AXDND1: variants seen among roughly 807,000 people sequenced by gnomAD.
AXDND1 encodes axonemal dynein light chain domain containing 1.
AXDND1 carries 110 observed loss-of-function variants against 137.5 expected under a neutral mutation model. The ratio of observed to expected loss-of-function variants is 0.80; its 90% CI spans 0.69 to 0.94. The LOEUF is 0.94. Ranked by LOEUF, AXDND1 falls within the 40% of genes least tolerant of loss-of-function variation. The pLI is 0.00. For missense variants in AXDND1, 1,191 were observed against 1,169.8 expected (o/e 1.02, Z -0.26); for synonymous variants, 414 against 399.7 (o/e 1.04, Z -0.43).
rs765507213 is a variant in AXDND1 at position 179,509,298 on chromosome 1, AGAATGTTATGAATG to A, written c.2394_2407del (p.Glu798AspfsTer10). ...TGTAATCTTTTATCTCTTCTCAGAAAGAATGTTATGAATGGATCAACACATGCTCTTGCCTCCTT... is the reference window on the plus strand; with the variant it reads ...TGTAATCTTTTATCTCTTCTCAGAAAGATCAACACATGCTCTTGCCTCCTT... On this transcript the variant is annotated frameshift_variant, in exon 21 of 26. Transcript: ENST00000367618. LOFTEE classifies it high-confidence loss of function. 1 of 1,599,530 alleles carries A rather than the reference AGAATGTTATGAATG, an allele frequency of 6.3e-7. No individual in the cohort carries two copies. Among genetic ancestry groups the A allele is most frequent in the South Asian group, 1.1e-5 (1 of 89,208 alleles).
At chr1:179,541,114 G>A (rs1455256824) in intron 25 of AXDND1, among the ~76,000 whole-genome samples, 3 of 152,198 alleles carry the variant, frequency 2.0e-5, no homozygotes, top group East Asian at 1.9e-4. Flanking sequence ...GCTGGGCTCC[G>A]TGGGTGGGGG....
chr1:179,514,631 T>C (rs1669352100), intron 21 of AXDND1, among the ~76,000 whole-genome samples: 1 of 152,200 alleles, frequency 6.6e-6, no homozygotes, highest in South Asian at 2.1e-4. Flanking sequence ...TGACTTTTTG[T>C]GTTGATGTCC....
intron 17 of AXDND1, among the ~76,000 whole-genome samples, chr1:179,475,181 G>C (rs760563539): frequency 6.6e-6 from 1 of 152,240 alleles, no homozygotes; most frequent in Non-Finnish European, 1.5e-5. Context: ...ACCTCTGCTA[G>C]GGCAGTACGA....
chr1:179,422,045 G>T (rs143794806), intron 12 of AXDND1, among the ~76,000 whole-genome samples: 1 of 130,150 alleles, frequency 7.7e-6, no homozygotes, highest in Admixed American at 7.6e-5. Context: ...CATCTCAAAA[G>T]AAAAAAAAAA....
chr1:179,421,367 C>CTTTTTTTTTTTTTTTTTTTTTTTTT (rs199703017), intron 12 of AXDND1, among the ~76,000 whole-genome samples: 1 of 107,210 alleles, frequency 9.3e-6, no homozygotes, highest in African/African-American at 4.1e-5. Context: ...TTTTCTTTTC[C>CTTTTTTTTTTTTTTTTTTTTTTTTT]TTTTTTTTTT....
At chr1:179,481,690 G>A (rs1011925284) in intron 17 of AXDND1, among the ~76,000 whole-genome samples, 3 of 152,216 alleles carry the variant, frequency 2.0e-5, no homozygotes, top group African/African-American at 7.2e-5. Context: ...ACTGGTGTGA[G>A]GTGGTATCTC....
intron 16 of AXDND1, among the ~76,000 whole-genome samples, chr1:179,445,439 A>C (rs971943488): frequency 6.6e-6 from 1 of 152,132 alleles, no homozygotes; most frequent in African/African-American, 2.4e-5. Flanking sequence ...GTGTGCATCT[A>C]TTACCACAGT....
At chr1:179,429,868 G>T (rs1370972917) in intron 13 of AXDND1, among the ~76,000 whole-genome samples, 1 of 150,494 alleles carries the variant, frequency 6.6e-6, no homozygotes, top group East Asian at 1.9e-4. Flanking sequence ...TGATCCTATT[G>T]ATTCATGGTT....
At chr1:179,552,839 A>T (rs1218170839) in intron 25 of AXDND1, 6 of 685,610 alleles carry the variant, frequency 8.8e-6, no homozygotes, top group Non-Finnish European at 1.6e-5. Flanking sequence ...GGTCAAAAGT[A>T]GGCAGATCTC....
rs185421413 is a variant in AXDND1, at chr1:179,370,714, G to A, written c.374+636G>A. On this transcript the variant is annotated intron_variant, in intron 4 of 25. Transcript: ENST00000367618. ...ACTTATCAATTTACTCCATGCATGC[G>A]CCCTCACTTAAATGTCCCTTCTACT... is the stretch of plus-strand genomic sequence containing the variant. Among the ~76,000 whole-genome samples the A allele has an allele frequency of 4.2e-4, 64 of 152,218 alleles. No homozygotes were observed. In the East Asian group the frequency reaches 9.8e-3, roughly 23 times the overall value.
chr1:179,530,120 C>G (rs1337918177), intron 23 of AXDND1, among the ~76,000 whole-genome samples: 1 of 152,150 alleles, frequency 6.6e-6, no homozygotes, highest in Non-Finnish European at 1.5e-5. Context: ...ACCTCTGCCT[C>G]CCAAGTTCAA....
intron 11 of AXDND1, among the ~76,000 whole-genome samples, chr1:179,404,734 TTGTC>T (rs1652664680): frequency 6.6e-6 from 1 of 152,138 alleles, no homozygotes; most frequent in Non-Finnish European, 1.5e-5. Flanking sequence ...TGTTGTGTCT[TTGTC>T]TGGTTTTGAT....
chr1:179,485,908 A>C (rs2125552438), intron 18 of AXDND1, among the ~76,000 whole-genome samples: 1 of 152,230 alleles, frequency 6.6e-6, no homozygotes, highest in East Asian at 1.9e-4. Context: ...GACTGAGGTC[A>C]GGAGTTCGAG....
At chr1:179,436,631 G>A (rs536654500) in intron 15 of AXDND1, among the ~76,000 whole-genome samples, 1 of 152,242 alleles carries the variant, frequency 6.6e-6, no homozygotes, top group African/African-American at 2.4e-5. Context: ...ATAACTGGGA[G>A]TTGAACAATG....
At chr1:179,410,647 T>C (rs1251792463) in intron 11 of AXDND1, among the ~76,000 whole-genome samples, 2 of 152,216 alleles carry the variant, frequency 1.3e-5, no homozygotes, top group African/African-American at 4.8e-5. Flanking sequence ...TTTTAAAGGG[T>C]TAAGGGACAA....
At chr1:179,460,805 T>C (rs1214350112) in intron 16 of AXDND1, among the ~76,000 whole-genome samples, 1 of 152,268 alleles carries the variant, frequency 6.6e-6, no homozygotes, top group Non-Finnish European at 1.5e-5. Context: ...TGACCACTGA[T>C]GATGAGCATT....
chr1:179,510,074 A>C (rs60653926), intron 21 of AXDND1, among the ~76,000 whole-genome samples: 7 of 152,006 alleles, frequency 4.6e-5, no homozygotes, highest in African/African-American at 1.7e-4. Flanking sequence ...TCCTTTTACA[A>C]TGTCCTGGTT....
At chr1:179,419,348 C>G (rs1051195718) in intron 12 of AXDND1, among the ~76,000 whole-genome samples, 1 of 151,944 alleles carries the variant, frequency 6.6e-6, no homozygotes, top group Non-Finnish European at 1.5e-5. Context: ...GAACGAGACT[C>G]TGTCTGCAAT....
chr1:179,524,276 C>T (rs1670337921), intron 21 of AXDND1, among the ~76,000 whole-genome samples: 1 of 152,136 alleles, frequency 6.6e-6, no homozygotes, highest in Non-Finnish European at 1.5e-5. Context: ...CACTGTTTTC[C>T]ATAGATCCCT....
Sources: gnomAD v4.1 joint callset for allele counts (sites outside exome capture counted in the v4.1 genomes callset) on GRCh38, gnomAD v4.1.1 for gene constraint, MANE v1.5 for transcripts, NCBI Gene and HGNC (gene_info 2026-07-23, HGNC 2026-07-21) for gene names.